Variants in CDH4 observed in about 807,000 individuals in gnomAD.
CDH4 encodes cadherin 4.
CDH4 carries 33 observed loss-of-function variants against 86.0 expected under a neutral mutation model. The observed-to-expected ratio is 0.38, with a 90% CI of 0.29 to 0.51. CDH4 has a LOEUF of 0.51. CDH4 is among the 20% of genes least tolerant of loss of function. The pLI is 0.86. For missense variants in CDH4, 1,114 were observed against 1,307.4 expected, an observed-to-expected ratio of 0.85 and a Z score of 2.28; for synonymous variants, 555 against 549.4, an observed-to-expected ratio of 1.01 and a Z score of -0.14.
At chr20:61,318,247 C>T (rs956111448) in intron 2 of CDH4, among the ~76,000 whole-genome samples, 5 of 152,198 alleles carry the variant, frequency 3.3e-5, no homozygotes, top group African/African-American at 9.7e-5. Context: ...CCGTATGTTC[C>T]TCTCCATCTG....
intron 2 of CDH4, chr20:61,369,816 G>A (rs2084830447): frequency 6.6e-6 from 1 of 152,184 alleles, no homozygotes; most frequent in African/African-American, 2.4e-5. Flanking sequence ...CCCCTGCAGA[G>A]GCGCCATTTG....
At chr20:61,449,209 C>T (rs1423728055) in intron 2 of CDH4, among the ~76,000 whole-genome samples, 2 of 152,144 alleles carry the variant, frequency 1.3e-5, no homozygotes, top group Non-Finnish European at 2.9e-5. Context: ...CCAAGGCTGT[C>T]CTCAGAGGCC....
At chr20:61,294,823 C>T (rs533975457) in intron 2 of CDH4, among the ~76,000 whole-genome samples, 11 of 152,348 alleles carry the variant, frequency 7.2e-5, no homozygotes, top group Non-Finnish European at 1.3e-4. Flanking sequence ...CCAAAGCTCC[C>T]GATCTGGTCA....
In CDH4 at chr20:61,724,031, G is replaced by GC. The variant is rs1281529131; in HGVS notation, c.170-19532_170-19531insC. On this transcript the variant is annotated intron_variant, in intron 2 of 15. Coordinates refer to ENST00000614565, the MANE Select transcript of CDH4 (RefSeq NM_001794.5). ...CAGGATGGAGGCTCCATGTGGCAGG[G>GC]GGGTAGGTCCCCATGCAGGGGGCAC... Among the ~76,000 whole-genome samples the GC allele has an allele frequency of 3.1e-3, 442 of 142,438 alleles. 12 individuals carry two copies. The highest frequency in any genetic ancestry group is 5.3e-3 in the East Asian group (24 of 4,540). 93.4% of individuals were successfully genotyped at this position (142,438 alleles called of 152,430 possible). A position where few individuals can be genotyped will look rare whatever the true frequency, so the allele number is the denominator to read the frequency against.
intron 2 of CDH4, among the ~76,000 whole-genome samples, chr20:61,610,909 C>T (rs2086680363): frequency 6.6e-6 from 1 of 151,092 alleles, no homozygotes; most frequent in African/African-American, 2.5e-5. Flanking sequence ...TGCAGAAGAC[C>T]CAGTAAGGGT....
At chr20:61,765,823 CT>C (rs1319565721) in intron 3 of CDH4, among the ~76,000 whole-genome samples, 1 of 152,094 alleles carries the variant, frequency 6.6e-6, no homozygotes. Flanking sequence ...ACCCTCCCAT[CT>C]CAAACCCTCA....
chr20:61,863,606 A>C (rs995988329), intron 6 of CDH4, among the ~76,000 whole-genome samples: 1 of 152,122 alleles, frequency 6.6e-6, no homozygotes, highest in African/African-American at 2.4e-5. Context: ...AGCATGGCCC[A>C]GATCCTGCGT....
chr20:61,438,572 C>T (rs2145528267), intron 2 of CDH4, among the ~76,000 whole-genome samples: 1 of 152,290 alleles, frequency 6.6e-6, no homozygotes, highest in East Asian at 1.9e-4. Flanking sequence ...GGCCATAGTC[C>T]TTAACTGTAG....
intron 2 of CDH4, among the ~76,000 whole-genome samples, chr20:61,298,205 C>T (rs1001263440): frequency 2.0e-5 from 3 of 152,172 alleles, no homozygotes; most frequent in East Asian, 1.9e-4. Context: ...GCTGCCTAAC[C>T]GTGGACACCA....
chr20:61,780,616 C>G (rs529187719), intron 4 of CDH4, among the ~76,000 whole-genome samples: 16 of 152,312 alleles, frequency 1.1e-4, no homozygotes, highest in African/African-American at 3.8e-4. Context: ...ATTGGAAGGT[C>G]TTTTAGTAAT....
chr20:61,496,920 T>C (rs1004979594), intron 2 of CDH4, among the ~76,000 whole-genome samples: 2 of 151,714 alleles, frequency 1.3e-5, no homozygotes, highest in Admixed American at 1.3e-4. Flanking sequence ...AATCTTGTTG[T>C]GGGCAGGTGT....
intron 2 of CDH4, among the ~76,000 whole-genome samples, chr20:61,630,089 G>A (rs1020687636): frequency 1.2e-4 from 19 of 152,178 alleles, no homozygotes; most frequent in Non-Finnish European, 8.8e-5. Flanking sequence ...AGAAGGTGCC[G>A]CCGCTTACAG....
chr20:61,358,739 C>G (rs553988386), intron 2 of CDH4, among the ~76,000 whole-genome samples: 8 of 152,284 alleles, frequency 5.3e-5, no homozygotes, highest in African/African-American at 1.9e-4. Flanking sequence ...AAGCTTCAGG[C>G]AACAGTGATC....
intron 7 of CDH4, among the ~76,000 whole-genome samples, chr20:61,885,157 G>A (rs1471895695): frequency 2.0e-5 from 3 of 152,170 alleles, no homozygotes; most frequent in African/African-American, 7.2e-5. Flanking sequence ...CCTGTGCCTT[G>A]AGAGGGAGCT....
Position 61,929,846 on chromosome 20 carries a change from A to C in CDH4, c.2239+4A>C, listed in dbSNP as rs1420290745. On this transcript the variant is annotated splice_donor_region_variant and intron_variant, in intron 13 of 15. Transcript: ENST00000614565. Reference sequence around the variant, plus strand: ...ATCTGCATCCTCATCCTGCTGAGTGAGTGTGGCTGAGCACCAGGGTGGGCA... The same window carrying C: ...ATCTGCATCCTCATCCTGCTGAGTGCGTGTGGCTGAGCACCAGGGTGGGCA... 11 of 1,610,992 alleles carry C rather than the reference A, an allele frequency of 6.8e-6. No homozygotes were observed. Among genetic ancestry groups the C allele is most frequent in the African/African-American group, 1.3e-5 (1 of 74,856 alleles).
At chr20:61,702,761 T>C (rs191305309) in intron 2 of CDH4, among the ~76,000 whole-genome samples, 176 of 152,332 alleles carry the variant, frequency 1.2e-3, no homozygotes, top group Non-Finnish European at 2.0e-3. Flanking sequence ...GCACAGGGCA[T>C]TTCTGTCTAG....
chr20:61,300,378 G>A (rs1056194570), intron 2 of CDH4, among the ~76,000 whole-genome samples: 2 of 152,142 alleles, frequency 1.3e-5, no homozygotes, highest in African/African-American at 2.4e-5. Context: ...AGCTGCTCCC[G>A]GGAACCTGGG....
At chr20:61,858,013 CTG>C (rs1228819825) in intron 6 of CDH4, among the ~76,000 whole-genome samples, 1 of 139,132 alleles carries the variant, frequency 7.2e-6, no homozygotes, top group African/African-American at 2.7e-5. Flanking sequence ...GTCTCTGTGT[CTG>C]TGTCTGCATC....
chr20:61,713,497 G>C (rs546631204), intron 2 of CDH4, among the ~76,000 whole-genome samples: 1 of 152,360 alleles, frequency 6.6e-6, no homozygotes, highest in South Asian at 2.1e-4. Flanking sequence ...CATCATGCTT[G>C]TCTGCAAGGG....
Sources: allele counts gnomAD v4.1 joint callset (sites outside exome capture counted in the v4.1 genomes callset), GRCh38; gene constraint gnomAD v4.1.1; transcripts MANE v1.5; gene names NCBI Gene and HGNC (gene_info 2026-07-23, HGNC 2026-07-21).